Variants in PDE4B observed in about 807,000 individuals in gnomAD.
PDE4B encodes the protein phosphodiesterase 4B.
PDE4B carries 20 observed loss-of-function variants against 82.2 expected under a neutral mutation model. The observed-to-expected ratio is 0.24, with a 90% confidence interval of 0.17 to 0.35. The LOEUF (loss-of-function observed/expected upper bound fraction) is 0.35. PDE4B is among the 10% of genes least tolerant of loss of function. The pLI is 1.00. For missense variants in PDE4B, 655 were observed against 907.2 expected, an observed-to-expected ratio of 0.72 and a Z score of 3.57; for synonymous variants, 320 against 318.9, an observed-to-expected ratio of 1.00 and a Z score of -0.04.
chr1:65,969,541 G>A (rs1439089867), intron 3 of PDE4B, among the ~76,000 whole-genome samples: 2 of 152,122 alleles, frequency 1.3e-5, no homozygotes, highest in African/African-American at 4.8e-5. Context: ...GCTTAGCAAT[G>A]TATTTAGTTG....
intron 1 of PDE4B, among the ~76,000 whole-genome samples, chr1:65,908,553 A>C (rs1647052710): frequency 1.3e-5 from 2 of 152,164 alleles, no homozygotes; most frequent in Non-Finnish European, 2.9e-5. Context: ...TACATTTAGT[A>C]TACATACATT....
chr1:66,203,143 A>T (rs1649172056), intron 3 of PDE4B, among the ~76,000 whole-genome samples: 1 of 151,748 alleles, frequency 6.6e-6, no homozygotes, highest in African/African-American at 2.4e-5. Flanking sequence ...CTGGGTTGAA[A>T]ATTCTTTTCT....
chr1:66,127,004 G>T lies in PDE4B; in HGVS notation c.282-120456G>T, dbSNP rs552032359. Among the ~76,000 whole-genome samples the T allele has an allele frequency of 2.0e-5, 3 of 152,072 alleles. No homozygotes were observed. The South Asian group carries it at 6.2e-4, about 32-fold the overall frequency. On this transcript the variant is annotated intron_variant, in intron 3 of 16. Transcript: ENST00000341517. The stretch of plus-strand genomic sequence containing the variant: ...GATCACGAAAGACAAAGAAAGAGGG[G>T]GGAACTATTATAGACTGAAGATAAA...
chr1:65,992,999 G>C, intron 3 of PDE4B: 1 of 1,613,956 alleles, frequency 6.2e-7, no homozygotes, highest in Non-Finnish European at 8.5e-7. Flanking sequence ...TAGAACTTGA[G>C]CTTCCGAGAT....
chr1:66,312,120 C>T (rs1658717173), intron 7 of PDE4B, among the ~76,000 whole-genome samples: 1 of 152,206 alleles, frequency 6.6e-6, no homozygotes, highest in African/African-American at 2.4e-5. Context: ...ACCTGATTTC[C>T]TCACATCTAA....
chr1:66,024,987 G>A (rs1208362670), intron 3 of PDE4B, among the ~76,000 whole-genome samples: 3 of 151,856 alleles, frequency 2.0e-5, no homozygotes, highest in African/African-American at 7.2e-5. Flanking sequence ...TTTAACATAA[G>A]TATATATAGC....
At chr1:66,354,915 T>C in intron 8 of PDE4B, 3 of 1,533,206 alleles carry the variant, frequency 2.0e-6, no homozygotes, top group Non-Finnish European at 2.6e-6. Flanking sequence ...TTGATTGTGT[T>C]CTGTGTCTTT....
At chr1:65,864,837 G>C (rs1646493146) in intron 1 of PDE4B, among the ~76,000 whole-genome samples, 1 of 152,134 alleles carries the variant, frequency 6.6e-6, no homozygotes, top group South Asian at 2.1e-4. Context: ...TAGGAGGCAC[G>C]GGGTTCAGGG....
intron 3 of PDE4B, among the ~76,000 whole-genome samples, chr1:66,185,123 G>C (rs1647158242): frequency 6.6e-6 from 1 of 152,104 alleles, no homozygotes; most frequent in Admixed American, 6.5e-5. Context: ...AGTTTGCTGA[G>C]AATGATGGTT....
At chr1:66,124,918 C>CGCGT (rs1645789202) in intron 3 of PDE4B, among the ~76,000 whole-genome samples, 1 of 147,990 alleles carries the variant, frequency 6.8e-6, no homozygotes, top group East Asian at 2.0e-4. Flanking sequence ...TGTGTGTATG[C>CGCGT]GTGTGTGTGT....
At chr1:66,111,750 G>A (rs552713495) in intron 3 of PDE4B, among the ~76,000 whole-genome samples, 2 of 152,146 alleles carry the variant, frequency 1.3e-5, no homozygotes, top group African/African-American at 2.4e-5. Flanking sequence ...TCAGTGATAC[G>A]TTCTATAAGA....
At chr1:65,839,315 A>G (rs1472252017) in intron 1 of PDE4B, among the ~76,000 whole-genome samples, 1 of 151,954 alleles carries the variant, frequency 6.6e-6, no homozygotes, top group Non-Finnish European at 1.5e-5. Context: ...ACATGTGCAG[A>G]ACATGCAGGT....
At chr1:66,225,960 CA>C (rs1427319942) in intron 3 of PDE4B, among the ~76,000 whole-genome samples, 1 of 152,190 alleles carries the variant, frequency 6.6e-6, no homozygotes, top group African/African-American at 2.4e-5. Flanking sequence ...AGACCTAGGG[CA>C]AACACTTGCT....
At chr1:65,979,668 G>C (rs776077998) in intron 3 of PDE4B, among the ~76,000 whole-genome samples, 127 of 152,324 alleles carry the variant, frequency 8.3e-4, no homozygotes, top group Non-Finnish European at 1.4e-3. Flanking sequence ...TGAAGTGACT[G>C]AGGATGAAGC....
Position 66,363,571 on chromosome 1 carries a change from C to A in PDE4B, c.1284C>A (p.Asp428Glu). 1.2e-6 allele frequency: 2 copies of A among 1,610,188 alleles called. No individual in the cohort carries two copies. The highest frequency in any genetic ancestry group is 1.7e-6 in the Non-Finnish European group (2 of 1,178,328). The change falls in exon 12 of 17, where the codon GAC becomes GAA. Residue 428 changes from aspartate to glutamate, a missense_variant and splice_region_variant. By Grantham distance (45) the Asp-to-Glu change is conservative (BLOSUM62 2). Around this residue, in one of 3 missense-constraint regions of PDE4B, gnomAD observed 283 missense variants for 516.4 expected, o/e 0.55. Transcript: ENST00000341517. Reference protein sequence around the residue: ...THVLLSTPALDAVFTDLEILA... With the variant: ...THVLLSTPALEAVFTDLEILA... ...TTCTCCTTTCTACACCAGCATTAGACGTGAGTAATTATGACCTGTTTTGCA... is the reference window on the plus strand; with the variant it reads ...TTCTCCTTTCTACACCAGCATTAGAAGTGAGTAATTATGACCTGTTTTGCA...
At chr1:66,041,809 CACACACACACACACACACAT>C (rs907305894) in intron 3 of PDE4B, among the ~76,000 whole-genome samples, 2 of 52,692 alleles carry the variant, frequency 3.8e-5, no homozygotes, top group East Asian at 1.8e-3. Flanking sequence ...TACACACACA[CACACACACACACACACACAT>C]ACACACACAC....
intron 3 of PDE4B, among the ~76,000 whole-genome samples, chr1:66,078,553 T>A (rs1656551937): frequency 6.6e-6 from 1 of 152,052 alleles, no homozygotes; most frequent in African/African-American, 2.4e-5. Context: ...GCCCATCTCC[T>A]TATATACACT....
At chr1:66,343,269 G>A (rs1022230783) in intron 8 of PDE4B, among the ~76,000 whole-genome samples, 4 of 152,046 alleles carry the variant, frequency 2.6e-5, no homozygotes, top group Non-Finnish European at 5.9e-5. Flanking sequence ...AAAATCTATG[G>A]AAAATATGGC....
chr1:66,232,860 A>G (rs1304192962), intron 3 of PDE4B, among the ~76,000 whole-genome samples: 1 of 152,198 alleles, frequency 6.6e-6, no homozygotes, highest in Non-Finnish European at 1.5e-5. Context: ...AATAAGTGTT[A>G]AGGAAATGGA....
Sources: gnomAD v4.1 joint callset for allele counts (sites outside exome capture counted in the v4.1 genomes callset) on GRCh38, gnomAD v4.1.1 for gene constraint, gnomAD v4.1.1 regional missense constraint, MANE v1.5 for transcripts, NCBI Gene and HGNC (gene_info 2026-07-23, HGNC 2026-07-21) for gene names.